The following ITGA4 variants were observed in gnomAD, a reference collection of about 807,000 sequenced individuals.
The protein encoded by ITGA4 is integrin subunit alpha 4, also known as integrin alpha-4.
A neutral mutation model predicts 133.6 loss-of-function variants in ITGA4; 63 were observed. That is an observed-to-expected ratio of 0.47 (90% CI 0.38 to 0.58). The LOEUF (loss-of-function observed/expected upper bound fraction) is 0.58. ITGA4 is among the 20% of genes least tolerant of loss of function. The pLI, the probability that ITGA4 is intolerant of heterozygous loss-of-function variation, is 0.00. For synonymous variants in ITGA4, 483 were observed against 438.0 expected, an observed-to-expected ratio of 1.10 and a Z score of -1.28; for missense variants, 1,076 against 1,252.7, an observed-to-expected ratio of 0.86 and a Z score of 2.13.
chr2:181,498,138 A>T (rs1035720339), intron 14 of ITGA4: 1 of 152,162 alleles, frequency 6.6e-6, no homozygotes, highest in African/African-American at 2.4e-5. Context: ...CACTTCATGT[A>T]TAAAAAAAAG....
chr2:181,468,752 A>G (rs1026876264), intron 2 of ITGA4, among the ~76,000 whole-genome samples: 6 of 152,206 alleles, frequency 3.9e-5, no homozygotes, highest in African/African-American at 1.2e-4. Context: ...TGTAGTAAGC[A>G]TGCATTTTTA....
intron 2 of ITGA4, among the ~76,000 whole-genome samples, chr2:181,470,793 A>G (rs1685530692): frequency 6.6e-6 from 1 of 152,096 alleles, no homozygotes; most frequent in Non-Finnish European, 1.5e-5. Context: ...GAGGATTACA[A>G]GAGCCCAGGA....
chr2:181,476,042 T>G, intron 4 of ITGA4: 1 of 718,824 alleles, frequency 1.4e-6, no homozygotes, highest in Non-Finnish European at 2.0e-6. Flanking sequence ...GGCAAAACTT[T>G]GGCCAAGTAT....
rs953771685 is a variant in ITGA4 at position 181,537,207 on chromosome 2, T to C, written c.*1680T>C. The C allele has an allele frequency of 1.8e-5, 8 of 453,120 alleles. No homozygotes were observed. The highest frequency in any genetic ancestry group is 1.6e-4 in the African/African-American group (8 of 50,092). 28.1% of individuals were successfully genotyped at this position (453,120 alleles called of 1,614,324 possible). On this transcript the variant is annotated 3_prime_UTR_variant, in exon 28 of 28. Transcript: ENST00000397033. Reference sequence around the variant, plus strand: ...TCATAGATGAAAAATCAAGCCCCGATTTAGAACTGTCTTCTCCAGGATGGT... The same window carrying C: ...TCATAGATGAAAAATCAAGCCCCGACTTAGAACTGTCTTCTCCAGGATGGT...
chr2:181,465,069 G>A (rs1685379512), intron 2 of ITGA4, among the ~76,000 whole-genome samples: 1 of 152,102 alleles, frequency 6.6e-6, no homozygotes, highest in African/African-American at 2.4e-5. Context: ...CAGTGGATTA[G>A]ACATGTTCTT....
chr2:181,479,032 T>C (rs1685744181), intron 5 of ITGA4: 1 of 352,508 alleles, frequency 2.8e-6, no homozygotes, highest in Admixed American at 4.6e-5. Flanking sequence ...CTATACTGCA[T>C]AAGATGAATG....
At chr2:181,461,856 G>C (rs1462184061) in intron 2 of ITGA4, among the ~76,000 whole-genome samples, 1 of 152,104 alleles carries the variant, frequency 6.6e-6, no homozygotes, top group African/African-American at 2.4e-5. Context: ...AATGTGGCTA[G>C]TCAGCGATGA....
chr2:181,505,970 A>G (rs911690936), intron 15 of ITGA4, among the ~76,000 whole-genome samples: 3 of 152,198 alleles, frequency 2.0e-5, no homozygotes, highest in African/African-American at 7.2e-5. Flanking sequence ...TCACAAGTCG[A>G]TAACTTGGGA....
rs1291104871 is a variant in ITGA4 at position 181,538,155 on chromosome 2, T to G, written c.*2628T>G. On this transcript the variant is annotated 3_prime_UTR_variant, in exon 28 of 28. Coordinates refer to ENST00000397033, the MANE Select transcript of ITGA4 (RefSeq NM_000885.6). Reference sequence around the variant, plus strand: ...ATTTCTTTATATTAAAATTCTAGTTTGTACATTTCTTTTAGAAACAATTAC... The same window carrying G: ...ATTTCTTTATATTAAAATTCTAGTTGGTACATTTCTTTTAGAAACAATTAC... 7.0e-7 allele frequency: 1 copy of G among 1,423,780 alleles called. No individual in the cohort carries two copies. The highest frequency in any genetic ancestry group is 2.4e-5 in the East Asian group (1 of 42,496). 88.2% of individuals were successfully genotyped at this position (1,423,780 alleles called of 1,614,324 possible).
At chr2:181,531,250 G>C (rs534278354) in intron 24 of ITGA4, among the ~76,000 whole-genome samples, 1 of 152,122 alleles carries the variant, frequency 6.6e-6, no homozygotes, top group Non-Finnish European at 1.5e-5. Flanking sequence ...TGTGGCATGG[G>C]TTAATTTTCA....
chr2:181,474,774 C>T (rs528988915), intron 2 of ITGA4, among the ~76,000 whole-genome samples, 186 bp from the exon 3 acceptor site: 1 of 152,244 alleles, frequency 6.6e-6, no homozygotes, highest in South Asian at 2.1e-4. Context: ...TTTCTACAAC[C>T]AAAGTCACCT....
chr2:181,536,122 G>A lies in ITGA4; in HGVS notation c.*595G>A, dbSNP rs1282043081. On this transcript the variant is annotated 3_prime_UTR_variant, in exon 28 of 28. Coordinates refer to ENST00000397033, the MANE Select transcript of ITGA4 (RefSeq NM_000885.6). Reference sequence around the variant, plus strand: ...AGACTATGAATATTATAGTATTATAGGCCAAACTGGCAAACTTCAGACTGA... The same window carrying A: ...AGACTATGAATATTATAGTATTATAAGCCAAACTGGCAAACTTCAGACTGA... 1 of 151,678 alleles carries A rather than the reference G, an allele frequency of 6.6e-6. No individual in the cohort carries two copies. The highest frequency in any genetic ancestry group is 2.4e-5 in the African/African-American group (1 of 41,274). The allele number at this position is 151,678 out of a possible 1,614,324, so 9.4% of individuals were successfully genotyped here.
chr2:181,531,120 G>GAA (rs35219574), intron 24 of ITGA4, among the ~76,000 whole-genome samples: 27 of 146,456 alleles, frequency 1.8e-4, no homozygotes, highest in East Asian at 4.0e-4. Flanking sequence ...ATCTCAAAAA[G>GAA]AAAAAAAAAA....
chr2:181,472,779 A>AT lies in ITGA4; in HGVS notation c.320-2173dup, dbSNP rs573153809. Among the ~76,000 whole-genome samples, 132 of 151,728 alleles carry AT rather than the reference A, an allele frequency of 8.7e-4. 1 individual carries two copies. Among genetic ancestry groups the AT allele is most frequent in the African/African-American group, 3.0e-3 (126 of 41,322 alleles). ...AGACCTTACCTATCTCCCACACACA[A>AT]TTTTTTTTCTCCTACCATCTTCCCT... is the stretch of plus-strand genomic sequence containing the variant. On this transcript the variant is annotated intron_variant, in intron 2 of 27. Transcript: ENST00000397033.
At chr2:181,511,339 A>G (rs1191013379) in intron 16 of ITGA4, among the ~76,000 whole-genome samples, 2 of 152,106 alleles carry the variant, frequency 1.3e-5, no homozygotes, top group Non-Finnish European at 2.9e-5. Flanking sequence ...CACGTAATAA[A>G]TGGGATCAAA....
intron 2 of ITGA4, among the ~76,000 whole-genome samples, chr2:181,471,169 T>A (rs892670260): frequency 6.6e-6 from 1 of 152,242 alleles, no homozygotes; most frequent in African/African-American, 2.4e-5. Flanking sequence ...TGGCTATGCA[T>A]TCATTCTTTT....
Position 181,509,667 on chromosome 2 carries a change from C to T in ITGA4, c.1705C>T (p.Arg569Trp), listed in dbSNP as rs201476802. The T allele has an allele frequency of 7.6e-5, 121 of 1,582,156 alleles. 1 individual carries two copies. The highest frequency in any genetic ancestry group is 1.0e-4 in the Non-Finnish European group (117 of 1,167,718). Residue 569 changes from arginine (R) to tryptophan (W), a missense_variant, in exon 16 of 28, where the codon CGG becomes TGG. Arg to Trp is a moderately radical substitution (Grantham distance 101). This residue lies in a region of ITGA4 where 365 missense variants were observed against 421.4 expected (regional missense o/e 0.87). Transcript: ENST00000397033. Reference sequence around the variant, plus strand: ...TGGTTATTTTCCTTAGAAAGATGTGCGGGACATCCTCACCCCAATTCAGAT... The same window carrying T: ...TGGTTATTTTCCTTAGAAAGATGTGTGGGACATCCTCACCCCAATTCAGAT... ...THQAFMRKDV[R>W]DILTPIQIEA...
intron 2 of ITGA4, 118 bp from the exon 3 acceptor site, chr2:181,474,842 A>G: frequency 1.5e-6 from 1 of 675,768 alleles, no homozygotes; most frequent in East Asian, 2.7e-5. Flanking sequence ...CACATTGTGC[A>G]CTGAATATAA....
In ITGA4 at chr2:181,509,573, T is replaced by C. The variant is rs915219965; in HGVS notation, c.1696-85T>C. 8 of 1,000,026 alleles carry C rather than the reference T, an allele frequency of 8.0e-6. 1 individual carries two copies. Among genetic ancestry groups the C allele is most frequent in the South Asian group, 6.5e-5 (3 of 45,938 alleles). 61.9% of individuals were successfully genotyped at this position (1,000,026 alleles called of 1,614,324 possible). On this transcript the variant is annotated intron_variant, in intron 15 of 27. Transcript: ENST00000397033. ...TTGCTTTGTCTTCCATGTATAGTGT[T>C]TGGCCCTTTTCAGGAAAGGAGTTTT...
Sources: gnomAD v4.1 joint callset for allele counts (sites outside exome capture counted in the v4.1 genomes callset) on GRCh38, gnomAD v4.1.1 for gene constraint, gnomAD v4.1.1 regional missense constraint, MANE v1.5 for transcripts, NCBI Gene and HGNC (gene_info 2026-07-23, HGNC 2026-07-21) for gene names.